SDK2: variants seen among roughly 807,000 people sequenced by gnomAD.
SDK2 encodes the protein sidekick cell adhesion molecule 2.
SDK2 carries 105 observed loss-of-function variants against 253.9 expected under a neutral mutation model. The observed-to-expected ratio is 0.41, with a 90% confidence interval of 0.35 to 0.49. The LOEUF (loss-of-function observed/expected upper bound fraction) is 0.49. Among genes scored for constraint, SDK2 ranks in the 20% least tolerant of loss-of-function variants. The pLI, the probability that SDK2 is intolerant of heterozygous loss-of-function variation, is 0.06. For missense variants in SDK2, 2,608 were observed against 3,003.0 expected (o/e 0.87, Z 3.07); for synonymous variants, 1,249 against 1,234.9 (o/e 1.01, Z -0.24).
chr17:73,355,176 T>TATATATATATATA (rs1568363071), intron 40 of SDK2, among the ~76,000 whole-genome samples: 25 of 5,776 alleles, frequency 4.3e-3, no homozygotes, highest in Non-Finnish European at 7.5e-3. Flanking sequence ...ATATATATAT[T>TATATATATATATA]TTTTTTTTTT....
At position 73,463,190 on chromosome 17, in the gene SDK2, G is replaced by A. The variant is rs75279603; in HGVS notation, c.332-7137C>T. On this transcript the variant is annotated intron_variant, in intron 3 of 44. Transcript: ENST00000392650. ...CGAGGTACCTGCTTGCTAATACGCC[G>A]TGTTATGCCCTGCAGGGCTGATCCA... Among the ~76,000 whole-genome samples, 35 of 152,310 alleles carry A rather than the reference G, an allele frequency of 2.3e-4. No individual in the cohort carries two copies. The East Asian group carries it at 4.8e-3, about 21-fold the overall frequency.
At chr17:73,339,592 G>C (rs8067336) in intron 44 of SDK2, among the ~76,000 whole-genome samples, 126,927 of 151,814 alleles carry the variant, frequency 0.84, 56,466 homozygotes, top group Non-Finnish European at 0.98. Context: ...GGGAATCACT[G>C]TGTTGCCCAG....
At chr17:73,445,216 A>T (rs2063444961) in intron 5 of SDK2, among the ~76,000 whole-genome samples, 1 of 152,248 alleles carries the variant, frequency 6.6e-6, no homozygotes, top group Non-Finnish European at 1.5e-5. Flanking sequence ...TATCCCATTA[A>T]TATTCTTTAC....
intron 1 of SDK2, among the ~76,000 whole-genome samples, chr17:73,525,726 C>A (rs1468844450): frequency 6.6e-6 from 1 of 152,032 alleles, no homozygotes; most frequent in African/African-American, 2.4e-5. Context: ...TGCACTGGCT[C>A]CCCCATCCCT....
At chr17:73,559,168 G>T (rs552385117) in intron 1 of SDK2, among the ~76,000 whole-genome samples, 1 of 152,268 alleles carries the variant, frequency 6.6e-6, no homozygotes, top group East Asian at 1.9e-4. Context: ...CCCAGATCCT[G>T]AAAGTATTTG....
intron 1 of SDK2, among the ~76,000 whole-genome samples, chr17:73,611,614 T>C (rs2045975770): frequency 6.6e-6 from 1 of 152,238 alleles, no homozygotes; most frequent in South Asian, 2.1e-4. Flanking sequence ...TTTGAGCCTG[T>C]GACCTGCAGA....
rs1324134458 is a variant in SDK2 at position 73,350,393 on chromosome 17, T to C, written c.5900-18A>G. ...ACTGTTCCCTGAAGTCGGCGGGAGA[T>C]TGACACCCTTTAGACTGTGTGGCCT... On this transcript the variant is annotated intron_variant, in intron 42 of 44. Transcript: ENST00000392650. 4.3e-6 allele frequency: 7 copies of C among 1,610,084 alleles called. No homozygotes were observed. Among genetic ancestry groups the C allele is most frequent in the Admixed American group, 1.7e-5 (1 of 59,702 alleles).
At chr17:73,350,876 C>T (rs1599473167) in intron 41 of SDK2, 86 bp from the exon 42 acceptor site, 1 of 1,413,014 alleles carries the variant, frequency 7.1e-7, no homozygotes, top group East Asian at 2.3e-5. Context: ...CTACTAACTG[C>T]TACAATCTAT....
chr17:73,575,047 G>A (rs1431513231), intron 1 of SDK2, among the ~76,000 whole-genome samples: 2 of 152,196 alleles, frequency 1.3e-5, no homozygotes, highest in Non-Finnish European at 2.9e-5. Flanking sequence ...AACCTTCCTT[G>A]AGCCCCTGTT....
At position 73,447,559 on chromosome 17, in the gene SDK2, A is replaced by C; in HGVS notation, c.613+56T>G. ...CTTCCCAATGATCCCCTGGAGCACCATTGCTAAGATTTAATGGCCCGCTCC... is the reference window on the plus strand; with the variant it reads ...CTTCCCAATGATCCCCTGGAGCACCCTTGCTAAGATTTAATGGCCCGCTCC... On this transcript the variant is annotated intron_variant, in intron 5 of 44. Coordinates refer to ENST00000392650, the MANE Select transcript of SDK2 (RefSeq NM_001144952.2). The surrounding 1 kb of genome is among the most constrained non-coding windows in gnomAD (Gnocchi z 4.0). 1 of 1,544,224 alleles carries C rather than the reference A, an allele frequency of 6.5e-7. No individual in the cohort carries two copies.
At chr17:73,623,027 A>T (rs1160082572) in intron 1 of SDK2, among the ~76,000 whole-genome samples, 1 of 152,208 alleles carries the variant, frequency 6.6e-6, no homozygotes, top group Non-Finnish European at 1.5e-5. Flanking sequence ...CTGAGCCTGC[A>T]TCCCTACATT....
intron 1 of SDK2, among the ~76,000 whole-genome samples, chr17:73,638,028 C>A (rs929570123): frequency 6.6e-6 from 1 of 152,188 alleles, no homozygotes; most frequent in Non-Finnish European, 1.5e-5. Context: ...TGCTGGAGGG[C>A]GGGGCCCCCA....
intron 24 of SDK2, among the ~76,000 whole-genome samples, chr17:73,396,467 C>A (rs2062971659): frequency 6.6e-6 from 1 of 151,924 alleles, no homozygotes; most frequent in Admixed American, 6.5e-5. Context: ...GGCTGACCCA[C>A]TTTACCCCAC....
chr17:73,507,991 GTC>G (rs2063949383), intron 1 of SDK2, among the ~76,000 whole-genome samples: 1 of 152,242 alleles, frequency 6.6e-6, no homozygotes, highest in Non-Finnish European at 1.5e-5. Context: ...GAATATCAAT[GTC>G]ACAAGGAGAA....
Position 73,483,707 on chromosome 17 carries a change from ATTT to A in SDK2, c.225-11492_225-11490del, listed in dbSNP as rs35288553. Among the ~76,000 whole-genome samples the A allele has an allele frequency of 8.5e-3, 543 of 64,260 alleles. 30 individuals carry two copies. Among genetic ancestry groups the A allele is most frequent in the African/African-American group, 0.038 (526 of 13,808 alleles). The allele number at this position is 64,260 out of a possible 152,430, so 42.2% of individuals were successfully genotyped here. On this transcript the variant is annotated intron_variant, in intron 2 of 44. Transcript: ENST00000392650. Reference sequence around the variant, plus strand: ...TTTATATATATATATATATATATATATTTTTTTTTTTTTTTAGTAGAGTTGGGG... The same window carrying A: ...TTTATATATATATATATATATATATATTTTTTTTTTTTAGTAGAGTTGGGG...
Position 73,553,681 on chromosome 17 carries a change from T to C in SDK2, c.65-46084A>G, listed in dbSNP as rs187364444. On this transcript the variant is annotated intron_variant, in intron 1 of 44. Coordinates refer to ENST00000392650, the MANE Select transcript of SDK2 (RefSeq NM_001144952.2). Reference sequence around the variant, plus strand: ...TCCTCGGGCCTACACCTCCTGCAGGTGAATAGCACCACCCCCAAACCCCCA... The same window carrying C: ...TCCTCGGGCCTACACCTCCTGCAGGCGAATAGCACCACCCCCAAACCCCCA... Among the ~76,000 whole-genome samples, 50 of 152,100 alleles carry C rather than the reference T, an allele frequency of 3.3e-4. 1 individual carries two copies. Among genetic ancestry groups the C allele is most frequent in the Admixed American group, 3.3e-3 (50 of 15,292 alleles).
rs1470349369 is a variant in SDK2 at position 73,456,057 on chromosome 17, C to T, written c.332-4G>A. 8.1e-6 allele frequency: 12 copies of T among 1,483,582 alleles called. No individual in the cohort carries two copies. The highest frequency in any genetic ancestry group is 1.1e-5 in the Non-Finnish European group (12 of 1,108,800). The allele number at this position is 1,483,582 out of a possible 1,614,324, so 91.9% of individuals were successfully genotyped here. On this transcript the variant is annotated splice_polypyrimidine_tract_variant and splice_region_variant and intron_variant, in intron 3 of 44. Transcript: ENST00000392650. ...CCTTCCTCAAAGCTCCCCATGTCTG[C>T]AGCCGGGACAACGGCAGTAGGATCA...
chr17:73,450,529 C>A (rs1226956952), intron 4 of SDK2, among the ~76,000 whole-genome samples: 1 of 152,194 alleles, frequency 6.6e-6, no homozygotes, highest in African/African-American at 2.4e-5. Context: ...CAGCTTCAAG[C>A]CTCCAGTGGG....
rs141496200 is a variant in SDK2 at position 73,607,941 on chromosome 17, C to T, written c.64+36084G>A. Among the ~76,000 whole-genome samples, 476 of 152,036 alleles carry T rather than the reference C, an allele frequency of 3.1e-3. 4 individuals are homozygous for T. Among genetic ancestry groups the T allele is most frequent in the African/African-American group, 0.011 (460 of 41,454 alleles). Reference sequence around the variant, plus strand: ...GATAGAACAAAGAGTGTCCACACACCCCATCACCCAGTTGCCCTTTTTGTT... The same window carrying T: ...GATAGAACAAAGAGTGTCCACACACTCCATCACCCAGTTGCCCTTTTTGTT... On this transcript the variant is annotated intron_variant, in intron 1 of 44. Transcript: ENST00000392650.
Sources: allele counts gnomAD v4.1 joint callset (sites outside exome capture counted in the v4.1 genomes callset), GRCh38; gene constraint gnomAD v4.1.1; non-coding constraint Gnocchi (gnomAD v3.1); transcripts MANE v1.5; gene names NCBI Gene and HGNC (gene_info 2026-07-23, HGNC 2026-07-21).